KCNQ5: variants seen among roughly 807,000 people sequenced by gnomAD.
The protein encoded by KCNQ5 is potassium voltage-gated channel subfamily KQT member 5.
Under a neutral mutation model 98.2 loss-of-function variants are expected in KCNQ5, and 30 were observed. The observed-to-expected ratio is 0.31, with a 90% CI of 0.23 to 0.41. The LOEUF (loss-of-function observed/expected upper bound fraction) is 0.41, where lower values mean the gene tolerates loss of function less well. Ranked by LOEUF, KCNQ5 falls within the 10% of genes least tolerant of loss-of-function variation. The pLI, the probability that KCNQ5 is intolerant of heterozygous loss-of-function variation, is 1.00. For synonymous variants in KCNQ5, 458 were observed against 449.4 expected (o/e 1.02, Z -0.24); for missense variants, 835 against 1,182.5 (o/e 0.71, Z 4.31).
intron 1 of KCNQ5, among the ~76,000 whole-genome samples, chr6:72,833,870 G>T (rs2150126358): frequency 6.6e-6 from 1 of 152,050 alleles, no homozygotes; most frequent in East Asian, 1.9e-4. Context: ...GAAAAGCAAT[G>T]ACATTTTTAT....
Position 72,806,682 on chromosome 6 carries a change from T to G in KCNQ5, c.398+184095T>G, listed in dbSNP as rs141315026. ...CAAGATGTTGGCCCAATATTCCTAT[T>G]ATTAAGGAATTAAATGTGTCTTCTG... On this transcript the variant is annotated intron_variant, in intron 1 of 13. Coordinates refer to ENST00000370398, the MANE Select transcript of KCNQ5 (RefSeq NM_019842.4). 3.6e-4 allele frequency among the ~76,000 whole-genome samples: 55 copies of G among 152,256 alleles called. No homozygotes were observed. The East Asian group carries it at 9.5e-3, about 26-fold the overall frequency.
chr6:72,736,791 G>A (rs1368540124), intron 1 of KCNQ5, among the ~76,000 whole-genome samples: 2 of 151,958 alleles, frequency 1.3e-5, no homozygotes, highest in Non-Finnish European at 2.9e-5. Flanking sequence ...GAGCCACCGC[G>A]CCCGGCCGTA....
chr6:73,102,177 G>A (rs1387671086), intron 5 of KCNQ5, among the ~76,000 whole-genome samples: 1 of 152,130 alleles, frequency 6.6e-6, no homozygotes, highest in Non-Finnish European at 1.5e-5. Context: ...AAAGGTGCTG[G>A]AGAAACTGGA....
rs1265939887 is a variant in KCNQ5, at chr6:72,962,122, G to A, written c.399-41786G>A. Among the ~76,000 whole-genome samples, 6 of 150,590 alleles carry A rather than the reference G, an allele frequency of 4.0e-5. No homozygotes were observed. In the South Asian group the frequency reaches 6.3e-4, roughly 16 times the overall value. On this transcript the variant is annotated intron_variant, in intron 1 of 13. Coordinates refer to ENST00000370398, the MANE Select transcript of KCNQ5 (RefSeq NM_019842.4). ...GAGCCTGGGAGACAGAGTTTGCAGC[G>A]AGCCAAGATCATGCCACTGCACTCT...
chr6:72,668,923 C>T (rs894018225), intron 1 of KCNQ5, among the ~76,000 whole-genome samples: 2 of 151,748 alleles, frequency 1.3e-5, no homozygotes, highest in Non-Finnish European at 2.9e-5. Flanking sequence ...CCTTAATTAC[C>T]TTCATACAGG....
intron 1 of KCNQ5, among the ~76,000 whole-genome samples, chr6:72,776,622 A>G (rs565264473): frequency 5.3e-5 from 8 of 152,202 alleles, no homozygotes; most frequent in Non-Finnish European, 7.3e-5. Context: ...ACTTCACATG[A>G]AATAACTGAG....
intron 11 of KCNQ5, among the ~76,000 whole-genome samples, chr6:73,188,938 A>G (rs9293925): frequency 0.62 from 91,966 of 147,952 alleles, 31,086 homozygotes; most frequent in African/African-American, 0.9. Flanking sequence ...AGCTGAGATC[A>G]TGCCATTGCA....
intron 4 of KCNQ5, 115 bp from the exon 5 acceptor site, chr6:73,077,647 A>G (rs763153252): frequency 1.8e-5 from 22 of 1,256,690 alleles, no homozygotes; most frequent in Admixed American, 2.5e-5. Context: ...GGATTATTTA[A>G]GAGCCATCAT....
At chr6:73,187,339 G>A (rs57781909) in intron 11 of KCNQ5, among the ~76,000 whole-genome samples, 4,675 of 152,284 alleles carry the variant, frequency 0.031, 91 homozygotes, top group East Asian at 0.068. Flanking sequence ...GATTACAGGC[G>A]TGAGCCACCA....
intron 9 of KCNQ5, chr6:73,129,901 C>A: frequency 6.9e-7 from 1 of 1,453,518 alleles, no homozygotes; most frequent in Non-Finnish European, 9.6e-7. Flanking sequence ...CAACTAACCT[C>A]AGGTGCATGA....
chr6:73,186,051 C>A (rs1410939157), intron 11 of KCNQ5, among the ~76,000 whole-genome samples: 1 of 151,386 alleles, frequency 6.6e-6, no homozygotes, highest in Admixed American at 6.6e-5. Context: ...ATAGGGAGAC[C>A]CCCCCTATCT....
intron 1 of KCNQ5, chr6:72,806,777 C>G: frequency 2.2e-6 from 1 of 449,798 alleles, no homozygotes; most frequent in South Asian, 1.6e-5. Flanking sequence ...TCAAGCCAAA[C>G]CCGTTTTTGC....
At chr6:72,837,150 A>T (rs962430388) in intron 1 of KCNQ5, among the ~76,000 whole-genome samples, 2 of 152,354 alleles carry the variant, frequency 1.3e-5, no homozygotes, top group South Asian at 4.1e-4. Context: ...AATTAATAAA[A>T]TTACGTCATT....
chr6:73,007,232 G>A (rs1027065866), intron 2 of KCNQ5, among the ~76,000 whole-genome samples: 1 of 152,164 alleles, frequency 6.6e-6, no homozygotes, highest in African/African-American at 2.4e-5. Context: ...TGGGAACTGA[G>A]ATTTCAGCCT....
rs146871967 is a variant in KCNQ5, at chr6:73,166,075, G to A, written c.1469-3671G>A. The stretch of plus-strand genomic sequence containing the variant: ...TTCTGTCATTTATTCTCCAGGTGTC[G>A]CTCGGCAAGTTTCTTAGCCTTCTGT... On this transcript the variant is annotated intron_variant, in intron 10 of 13. Transcript: ENST00000370398. Among the ~76,000 whole-genome samples the A allele has an allele frequency of 3.4e-4, 52 of 152,174 alleles. 1 individual carries two copies. The East Asian group carries it at 8.3e-3, about 24-fold the overall frequency.
At chr6:72,877,782 G>A (rs1462844178) in intron 1 of KCNQ5, among the ~76,000 whole-genome samples, 1 of 152,140 alleles carries the variant, frequency 6.6e-6, no homozygotes, top group East Asian at 1.9e-4. Context: ...ATGGTATCTT[G>A]TTGTTTTGAT....
At chr6:72,697,451 G>A (rs1450809405) in intron 1 of KCNQ5, among the ~76,000 whole-genome samples, 1 of 152,102 alleles carries the variant, frequency 6.6e-6, no homozygotes, top group East Asian at 1.9e-4. Context: ...TTTATTCCTA[G>A]ATTTAAACCT....
chr6:72,865,073 A>T (rs1388983732), intron 1 of KCNQ5, among the ~76,000 whole-genome samples: 2 of 152,196 alleles, frequency 1.3e-5, no homozygotes, highest in African/African-American at 4.8e-5. Context: ...TTTAATCCTT[A>T]CTGCATCTTT....
chr6:73,192,677 A>G lies in KCNQ5; in HGVS notation c.1822A>G (p.Lys608Glu). The G allele has an allele frequency of 6.3e-7, 1 of 1,590,872 alleles. No individual in the cohort carries two copies. The highest frequency in any genetic ancestry group is 8.6e-7 in the Non-Finnish European group (1 of 1,169,556). Residue 608 changes from lysine to glutamate, a missense_variant, in exon 13 of 14, where the codon AAG (lysine) becomes GAG (glutamate). Coordinates refer to ENST00000370398, the MANE Select transcript of KCNQ5 (RefSeq NM_019842.4). Reference sequence around the variant, plus strand: ...TCTCAGTATGCTCGGTCGGGTGGTCAAGGTTGAAAAACAGGTACAACTCAA... The same window carrying G: ...TCTCAGTATGCTCGGTCGGGTGGTCGAGGTTGAAAAACAGGTACAACTCAA... ...DDLSMLGRVV[K>E]VEKQVQSIES...
Sources: allele counts gnomAD v4.1 joint callset (sites outside exome capture counted in the v4.1 genomes callset), GRCh38; gene constraint gnomAD v4.1.1; transcripts MANE v1.5; gene names NCBI Gene and HGNC (gene_info 2026-07-23, HGNC 2026-07-21).